ZNF385D: variants seen among roughly 807,000 people sequenced by gnomAD.
The protein encoded by ZNF385D is zinc finger protein 659.
Under a neutral mutation model 35.8 loss-of-function variants are expected in ZNF385D, and 15 were observed. The ratio of observed to expected loss-of-function variants is 0.42; its 90% CI spans 0.28 to 0.64. ZNF385D has a LOEUF of 0.64. ZNF385D is among the 30% of genes least tolerant of loss of function. The probability of loss-of-function intolerance (pLI) is 0.23; values close to 1 mark genes in which losing one functional copy is unlikely to be tolerated. For missense variants in ZNF385D, 474 were observed against 494.6 expected (o/e 0.96, Z 0.39); for synonymous variants, 212 against 186.8 (o/e 1.13, Z -1.10).
chr3:22,034,252 G>A (rs973421967), intron 3 of ZNF385D, among the ~76,000 whole-genome samples: 10 of 152,120 alleles, frequency 6.6e-5, no homozygotes, highest in African/African-American at 2.4e-4. Flanking sequence ...TCTTACAGGA[G>A]TCAAAAGAGA....
chr3:21,567,257 A>ATC (rs2063181845), intron 2 of ZNF385D, among the ~76,000 whole-genome samples: 1 of 152,214 alleles, frequency 6.6e-6, no homozygotes, highest in Non-Finnish European at 1.5e-5. Flanking sequence ...AAATTACAGT[A>ATC]TCTCTTCCTT....
intron 2 of ZNF385D, among the ~76,000 whole-genome samples, chr3:22,227,329 C>A (rs944451209): frequency 1.3e-5 from 2 of 152,038 alleles, no homozygotes; most frequent in African/African-American, 4.8e-5. Flanking sequence ...TTCTGTCCTC[C>A]TGCCATCTGC....
chr3:21,567,182 A>G (rs181571553), intron 2 of ZNF385D, among the ~76,000 whole-genome samples: 1 of 152,224 alleles, frequency 6.6e-6, no homozygotes, highest in African/African-American at 2.4e-5. Context: ...AAGTCTGAAT[A>G]TGCAACCTAA....
At chr3:22,133,775 G>C (rs1703943147) in intron 3 of ZNF385D, 2 of 151,818 alleles carry the variant, frequency 1.3e-5, no homozygotes. Flanking sequence ...GCCATTCCTT[G>C]CTCTGCACTA....
intron 3 of ZNF385D, among the ~76,000 whole-genome samples, chr3:22,100,177 G>C (rs1430872085): frequency 7.0e-6 from 1 of 143,814 alleles, no homozygotes. Context: ...AAAAAGTCAG[G>C]AAACAACAGG....
At chr3:21,645,504 C>G (rs2065724608) in intron 2 of ZNF385D, among the ~76,000 whole-genome samples, 1 of 152,184 alleles carries the variant, frequency 6.6e-6, no homozygotes, top group African/African-American at 2.4e-5. Flanking sequence ...AAATGGTAAA[C>G]CGCTGAATCC....
chr3:22,282,030 G>A (rs183932290), intron 2 of ZNF385D, among the ~76,000 whole-genome samples: 140 of 152,034 alleles, frequency 9.2e-4, no homozygotes, highest in African/African-American at 3.1e-3. Flanking sequence ...TAGTTTATGC[G>A]TGTAAAGGTG....
chr3:22,354,441 A>T (rs1030580008), intron 2 of ZNF385D, among the ~76,000 whole-genome samples: 3 of 152,132 alleles, frequency 2.0e-5, no homozygotes, highest in African/African-American at 4.8e-5. Context: ...AATCCAAGAG[A>T]CACAGTCAAA....
chr3:21,787,004 AACCAC>A (rs1390157883), intron 3 of ZNF385D, among the ~76,000 whole-genome samples: 3 of 152,212 alleles, frequency 2.0e-5, no homozygotes, highest in Non-Finnish European at 4.4e-5. Flanking sequence ...TCTTGCCTGA[AACCAC>A]ACTTAAATGA....
At chr3:21,739,483 G>C (rs1244640373) in intron 1 of ZNF385D, among the ~76,000 whole-genome samples, 2 of 152,166 alleles carry the variant, frequency 1.3e-5, no homozygotes, top group Non-Finnish European at 2.9e-5. Flanking sequence ...ACAGAGCTCA[G>C]AGAAACACTA....
intron 2 of ZNF385D, among the ~76,000 whole-genome samples, chr3:22,228,749 C>T (rs1336434327): frequency 6.6e-6 from 1 of 152,134 alleles, no homozygotes; most frequent in Non-Finnish European, 1.5e-5. Context: ...TGGGTAAGCA[C>T]AATCTAATCA....
At chr3:21,990,313 T>A (rs145658026) in intron 3 of ZNF385D, among the ~76,000 whole-genome samples, 7 of 152,282 alleles carry the variant, frequency 4.6e-5, no homozygotes, top group Middle Eastern at 6.8e-3. Context: ...TTGGTCAACA[T>A]CAGTAGTTAT....
At chr3:21,891,043 T>C (rs918097472) in intron 3 of ZNF385D, among the ~76,000 whole-genome samples, 2 of 152,176 alleles carry the variant, frequency 1.3e-5, no homozygotes, top group African/African-American at 2.4e-5. Flanking sequence ...CCTTTGACAA[T>C]AGTTGTACAG....
chr3:21,897,865 AAAG>A (rs1181979194), intron 3 of ZNF385D, among the ~76,000 whole-genome samples: 1 of 152,184 alleles, frequency 6.6e-6, no homozygotes, highest in Non-Finnish European at 1.5e-5. Context: ...TGTGTATCGA[AAAG>A]AAGACAGCTA....
intron 3 of ZNF385D, among the ~76,000 whole-genome samples, chr3:21,555,297 A>G (rs908662254): frequency 9.3e-5 from 14 of 150,334 alleles, no homozygotes; most frequent in African/African-American, 2.9e-4. Flanking sequence ...TACATGTGCT[A>G]TGGTGGTTTG....
At chr3:22,259,693 G>C (rs775506598) in intron 2 of ZNF385D, among the ~76,000 whole-genome samples, 1 of 151,752 alleles carries the variant, frequency 6.6e-6, no homozygotes, top group African/African-American at 2.4e-5. Context: ...TCAGCTTTAG[G>C]AAAAAAACTA....
At position 22,258,847 on chromosome 3, in the gene ZNF385D, G is replaced by C. The variant is rs940005212; in HGVS notation, c.107-89812C>G. ...AATAGAAAAATAGCATTGTTTTATA[G>C]TTGTGAAAATCTCTTTGCTTTGGTA... On this transcript the variant is annotated intron_variant, in intron 2 of 5. Coordinates refer to the ZNF385D transcript ENST00000494108. Among the ~76,000 whole-genome samples, 8 of 151,750 alleles carry C rather than the reference G, an allele frequency of 5.3e-5. No individual in the cohort carries two copies. The South Asian group carries it at 1.0e-3, about 20-fold the overall frequency.
chr3:21,448,804 C>T (rs139183397), intron 4 of ZNF385D, among the ~76,000 whole-genome samples: 3 of 152,100 alleles, frequency 2.0e-5, no homozygotes, highest in South Asian at 2.1e-4. Context: ...ATCATCTCTC[C>T]TGTTATTCCC....
chr3:22,033,571 G>A (rs915645581), intron 3 of ZNF385D, among the ~76,000 whole-genome samples: 52 of 151,988 alleles, frequency 3.4e-4, no homozygotes, highest in Admixed American at 5.2e-4. Flanking sequence ...GAAGGAGGTA[G>A]TATCTATCAG....
Sources: gnomAD v4.1 joint callset for allele counts (sites outside exome capture counted in the v4.1 genomes callset) on GRCh38, gnomAD v4.1.1 for gene constraint, MANE v1.5 for transcripts, NCBI Gene and HGNC (gene_info 2026-07-23, HGNC 2026-07-21) for gene names.